TACC1: variants seen among roughly 807,000 people sequenced by gnomAD.
TACC1 encodes the protein transforming acidic coiled-coil containing protein 1, also known as transforming acidic coiled-coil-containing protein 1.
Under a neutral mutation model 84.4 loss-of-function variants are expected in TACC1, and 48 were observed. The ratio of observed to expected loss-of-function variants is 0.57; its 90% CI spans 0.45 to 0.72. The LOEUF is 0.72. Among genes scored for constraint, TACC1 ranks in the 30% least tolerant of loss-of-function variants. The pLI, the probability that TACC1 is intolerant of heterozygous loss-of-function variation, is 0.00. For synonymous variants in TACC1, 372 were observed against 376.3 expected (o/e 0.99, Z 0.13); for missense variants, 920 against 973.0 (o/e 0.95, Z 0.72).
At chr8:38,728,858 C>T (rs1162553997) in intron 1 of TACC1, 2 of 152,242 alleles carry the variant, frequency 1.3e-5, no homozygotes, top group East Asian at 3.8e-4. Context: ...CCAAGTTGAA[C>T]TTTAATTCTT....
At chr8:38,842,015 A>C (rs1157741502) in intron 9 of TACC1, among the ~76,000 whole-genome samples, 3 of 151,810 alleles carry the variant, frequency 2.0e-5, no homozygotes, top group African/African-American at 7.3e-5. Flanking sequence ...TCACATCCTC[A>C]TTTCTGTCCG....
rs778242102 is a variant in TACC1 at position 38,820,193 on chromosome 8, C to T, written c.949C>T (p.Pro317Ser). Residue 317 changes from proline to serine, a missense_variant, in exon 3 of 13, where the codon CCT (proline) becomes TCT (serine). Pro to Ser is a moderately conservative substitution (Grantham distance 74). This residue lies in a region of TACC1 where 762 missense variants were observed against 747.3 expected (regional missense o/e 1.02). Transcript: ENST00000317827. ...VELGEESRSS[P>S]LKLEFDFTED... is the part of the protein sequence containing the mutation. ...GCTGGGGGAGGAGTCGAGGAGCTCA[C>T]CTCTCAAGCTTGAGTTTGATTTCAC... is the stretch of plus-strand genomic sequence containing the variant. The T allele has an allele frequency of 5.6e-6, 9 of 1,614,026 alleles. No individual in the cohort carries two copies. The South Asian group carries it at 8.8e-5, about 16-fold the overall frequency.
chr8:38,829,979 C>T (rs1433167509), intron 5 of TACC1, among the ~76,000 whole-genome samples: 1 of 152,056 alleles, frequency 6.6e-6, no homozygotes, highest in Non-Finnish European at 1.5e-5. Context: ...TTCACACAGC[C>T]ATGGGAAGAA....
chr8:38,744,308 G>T (rs1182538891), intron 2 of TACC1, among the ~76,000 whole-genome samples: 2 of 152,036 alleles, frequency 1.3e-5, no homozygotes, highest in African/African-American at 4.8e-5. Flanking sequence ...TAGAGACGGG[G>T]ATTCACCATC....
At chr8:38,768,098 AGG>A (rs1587446588) in intron 3 of TACC1, among the ~76,000 whole-genome samples, 2 of 143,224 alleles carry the variant, frequency 1.4e-5, no homozygotes, top group East Asian at 4.0e-4. Context: ...GAAGGAAGGA[AGG>A]AAGGAAGGAA....
At chr8:38,838,424 G>T (rs1830621783) in intron 7 of TACC1, 46 bp from the exon 8 acceptor site, 1 of 1,435,372 alleles carries the variant, frequency 7.0e-7, no homozygotes, top group African/African-American at 1.4e-5. Context: ...AGTCTTAAAT[G>T]CAAATTGTAA....
chr8:38,812,452 C>T (rs866541837), intron 2 of TACC1, among the ~76,000 whole-genome samples: 43 of 152,114 alleles, frequency 2.8e-4, no homozygotes, highest in African/African-American at 8.0e-4. Context: ...TCAGACTGGC[C>T]GACACTTAGG....
At chr8:38,805,029 T>G (rs745605254) in intron 2 of TACC1, among the ~76,000 whole-genome samples, 41 of 152,352 alleles carry the variant, frequency 2.7e-4, no homozygotes, top group African/African-American at 6.7e-4. Context: ...TCTTGAGAGA[T>G]AGCAGAACAT....
At chr8:38,735,402 C>T (rs1368570324) in intron 1 of TACC1, among the ~76,000 whole-genome samples, 1 of 152,152 alleles carries the variant, frequency 6.6e-6, no homozygotes, top group East Asian at 1.9e-4. Flanking sequence ...GTTTTCCACC[C>T]GCGCTGTGCC....
chr8:38,755,684 A>G (rs903957227), intron 3 of TACC1, among the ~76,000 whole-genome samples: 7 of 150,112 alleles, frequency 4.7e-5, no homozygotes, highest in Admixed American at 2.0e-4. Flanking sequence ...AGCCTGGGCA[A>G]CAGAAAGAGA....
At chr8:38,771,795 G>A (rs1337355173) in intron 3 of TACC1, among the ~76,000 whole-genome samples, 1 of 152,160 alleles carries the variant, frequency 6.6e-6, no homozygotes, top group African/African-American at 2.4e-5. Context: ...TAGTACAGTG[G>A]TGCAATCATA....
intron 1 of TACC1, among the ~76,000 whole-genome samples, chr8:38,739,778 C>T (rs763148713): frequency 4.6e-5 from 7 of 152,190 alleles, no homozygotes; most frequent in South Asian, 2.1e-4. Flanking sequence ...CCTATTAAGA[C>T]TTACTGAGGA....
At chr8:38,825,927 G>A (rs558706912) in intron 4 of TACC1, among the ~76,000 whole-genome samples, 5 of 152,230 alleles carry the variant, frequency 3.3e-5, no homozygotes, top group African/African-American at 9.6e-5. Flanking sequence ...TGATTATATT[G>A]ATAAAAATAG....
intron 2 of TACC1, among the ~76,000 whole-genome samples, chr8:38,800,270 C>T (rs1821044614): frequency 6.6e-6 from 1 of 152,204 alleles, no homozygotes; most frequent in Non-Finnish European, 1.5e-5. Context: ...ATATAGTTTA[C>T]CTGCCATACA....
At position 38,848,162 on chromosome 8, in the gene TACC1, T is replaced by G; in HGVS notation, c.*139T>G. On this transcript the variant is annotated 3_prime_UTR_variant, in exon 13 of 13. Coordinates refer to ENST00000317827, the MANE Select transcript of TACC1 (RefSeq NM_006283.3). Reference sequence around the variant, plus strand: ...AAAAAAGCACATGCCTACTGCTGCCTGTCCCGCTTTGCTGCCAATGCAACA... The same window carrying G: ...AAAAAAGCACATGCCTACTGCTGCCGGTCCCGCTTTGCTGCCAATGCAACA... 1 of 729,460 alleles carries G rather than the reference T, an allele frequency of 1.4e-6. No individual in the cohort carries two copies. 45.2% of individuals were successfully genotyped at this position (729,460 alleles called of 1,614,324 possible). A position where few individuals can be genotyped will look rare whatever the true frequency, so the allele number is the denominator to read the frequency against.
chr8:38,791,375 C>T (rs1221363398), intron 2 of TACC1, among the ~76,000 whole-genome samples: 1 of 152,128 alleles, frequency 6.6e-6, no homozygotes, highest in Non-Finnish European at 1.5e-5. Flanking sequence ...GGAAACAACC[C>T]TGCATATTAT....
chr8:38,754,767 A>G (rs757026536), intron 3 of TACC1, among the ~76,000 whole-genome samples: 4 of 152,250 alleles, frequency 2.6e-5, no homozygotes, highest in Non-Finnish European at 5.9e-5. Flanking sequence ...ACTTCAAAAT[A>G]CTGTTTATGT....
intron 7 of TACC1, among the ~76,000 whole-genome samples, chr8:38,837,791 G>C (rs1183175266): frequency 1.3e-5 from 2 of 152,224 alleles, no homozygotes; most frequent in East Asian, 1.9e-4. Flanking sequence ...AGTACAGTAA[G>C]AGGCTGCCCA....
In TACC1 at chr8:38,819,629, TCTCA is replaced by T; in HGVS notation, c.390_393del (p.His130GlnfsTer19). On this transcript the variant is annotated frameshift_variant, in exon 3 of 13. Transcript: ENST00000317827. LOFTEE classifies it high-confidence loss of function. The stretch of plus-strand genomic sequence containing the variant: ...TGAAGTGCCACAGCAGGCCATTGAC[TCTCA>T]CTCAGTCAAGAATTTCAGAGAAGAA... The T allele has an allele frequency of 6.2e-7, 1 of 1,614,248 alleles. No individual in the cohort carries two copies. The highest frequency in any genetic ancestry group is 2.2e-5 in the East Asian group (1 of 44,890).
Sources: allele counts gnomAD v4.1 joint callset (sites outside exome capture counted in the v4.1 genomes callset), GRCh38; gene constraint gnomAD v4.1.1; regional missense constraint gnomAD v4.1.1; transcripts MANE v1.5; gene names NCBI Gene and HGNC (gene_info 2026-07-23, HGNC 2026-07-21).